The following SLC35F4 variants were observed in gnomAD, a reference collection of about 807,000 sequenced individuals.
SLC35F4 encodes solute carrier family 35 member F4.
SLC35F4 carries 24 observed loss-of-function variants against 44.2 expected under a neutral mutation model. That is an observed-to-expected ratio of 0.54 (90% CI 0.39 to 0.76). The LOEUF (loss-of-function observed/expected upper bound fraction) is 0.76, where lower values mean the gene tolerates loss of function less well. Ranked by LOEUF, SLC35F4 falls within the 30% of genes least tolerant of loss-of-function variation. SLC35F4 has a pLI of 0.00. For missense variants in SLC35F4, 562 were observed against 586.1 expected (o/e 0.96, Z 0.42); for synonymous variants, 238 against 223.6 (o/e 1.06, Z -0.57).
At chr14:57,916,572 G>A (rs538102841) in intron 1 of SLC35F4, among the ~76,000 whole-genome samples, 5 of 152,238 alleles carry the variant, frequency 3.3e-5, no homozygotes, top group African/African-American at 9.6e-5. Context: ...TAATTCTTCT[G>A]TTCCTTTCTC....
chr14:57,652,068 C>T (rs919290379), intron 1 of SLC35F4, among the ~76,000 whole-genome samples: 74 of 152,332 alleles, frequency 4.9e-4, no homozygotes, highest in Non-Finnish European at 2.5e-4. Context: ...GAAAGACAGA[C>T]ATCCTGGCAA....
intron 1 of SLC35F4, among the ~76,000 whole-genome samples, chr14:57,686,710 C>T (rs111269905): frequency 4.0e-4 from 61 of 152,196 alleles, no homozygotes; most frequent in African/African-American, 1.4e-3. Flanking sequence ...GTCAAGGATA[C>T]TCATTTATTT....
At chr14:57,892,845 T>C (rs1888799559) in intron 1 of SLC35F4, among the ~76,000 whole-genome samples, 1 of 152,136 alleles carries the variant, frequency 6.6e-6, no homozygotes, top group African/African-American at 2.4e-5. Context: ...AAAAAAAAGT[T>C]CTCTCTGTGC....
chr14:57,796,912 A>G (rs375323967), intron 1 of SLC35F4, among the ~76,000 whole-genome samples: 16 of 152,366 alleles, frequency 1.1e-4, no homozygotes, highest in African/African-American at 3.6e-4. Context: ...TAATTAAAAT[A>G]TTAACAATTT....
chr14:57,924,226 T>C (rs1479829414), intron 1 of SLC35F4, among the ~76,000 whole-genome samples: 2 of 152,172 alleles, frequency 1.3e-5, no homozygotes, highest in Non-Finnish European at 2.9e-5. Flanking sequence ...AATGAACCAA[T>C]ACAGCTGGGT....
chr14:57,592,667 A>G (rs1290684497), intron 2 of SLC35F4, among the ~76,000 whole-genome samples: 1 of 152,202 alleles, frequency 6.6e-6, no homozygotes, highest in African/African-American at 2.4e-5. Context: ...TGGGGTTCAC[A>G]CAGTGTCTAA....
At chr14:57,847,026 AAT>A (rs1299887663) in intron 1 of SLC35F4, among the ~76,000 whole-genome samples, 1 of 152,250 alleles carries the variant, frequency 6.6e-6, no homozygotes, top group African/African-American at 2.4e-5. Context: ...AATTGAGAGT[AAT>A]CACTGAGAAA....
intron 1 of SLC35F4, among the ~76,000 whole-genome samples, chr14:57,686,075 G>T (rs1594794071): frequency 6.6e-6 from 1 of 152,180 alleles, no homozygotes; most frequent in East Asian, 1.9e-4. Flanking sequence ...TCTTGGCTGT[G>T]TTTGAGATGG....
At chr14:57,682,205 T>C (rs2074927748) in intron 1 of SLC35F4, among the ~76,000 whole-genome samples, 1 of 152,340 alleles carries the variant, frequency 6.6e-6, no homozygotes, top group South Asian at 2.1e-4. Flanking sequence ...CGTATGTTTA[T>C]TGTGGCACTG....
chr14:57,770,397 G>A (rs955669805), intron 1 of SLC35F4, among the ~76,000 whole-genome samples: 2 of 152,178 alleles, frequency 1.3e-5, no homozygotes, highest in Non-Finnish European at 2.9e-5. Context: ...GAGTTGTTGG[G>A]CATAGTTTGT....
chr14:57,905,648 C>G (rs1437332108), intron 1 of SLC35F4, among the ~76,000 whole-genome samples: 1 of 152,182 alleles, frequency 6.6e-6, no homozygotes, highest in Non-Finnish European at 1.5e-5. Context: ...ATGCCAGCAT[C>G]TGAAAGCAGG....
At chr14:57,661,203 C>T (rs144724488) in intron 1 of SLC35F4, among the ~76,000 whole-genome samples, 147 of 152,244 alleles carry the variant, frequency 9.7e-4, no homozygotes, top group African/African-American at 3.3e-3. Context: ...TGTCATAATC[C>T]TTGCCCTTTC....
intron 1 of SLC35F4, among the ~76,000 whole-genome samples, chr14:57,796,960 A>T (rs554091259): frequency 6.6e-6 from 1 of 152,388 alleles, no homozygotes; most frequent in East Asian, 1.9e-4. Flanking sequence ...CTTGCCACTC[A>T]GTGAAAATAT....
intron 1 of SLC35F4, among the ~76,000 whole-genome samples, chr14:57,756,580 A>G (rs1170723784): frequency 6.6e-6 from 1 of 151,822 alleles, no homozygotes; most frequent in African/African-American, 2.4e-5. Flanking sequence ...TATTATATAA[A>G]TATTGATTAG....
chr14:57,825,664 CA>C (rs1211551444), intron 1 of SLC35F4, among the ~76,000 whole-genome samples: 1 of 152,194 alleles, frequency 6.6e-6, no homozygotes, highest in African/African-American at 2.4e-5. Flanking sequence ...GCAAATTCAA[CA>C]AAGTCTCAGG....
intron 1 of SLC35F4, among the ~76,000 whole-genome samples, chr14:57,615,077 G>C (rs1166194758): frequency 6.6e-6 from 1 of 152,198 alleles, no homozygotes; most frequent in African/African-American, 2.4e-5. Flanking sequence ...TGAGGACCTT[G>C]TGACTTAATA....
chr14:57,579,329 C>G (rs753965042), intron 4 of SLC35F4: 1 of 152,138 alleles, frequency 6.6e-6, no homozygotes, highest in African/African-American at 2.4e-5. Flanking sequence ...TGGTTGGTAG[C>G]CTATAGGCAG....
chr14:57,677,516 C>G (rs1303789206), intron 1 of SLC35F4, among the ~76,000 whole-genome samples: 1 of 151,958 alleles, frequency 6.6e-6, no homozygotes, highest in Admixed American at 6.6e-5. Context: ...TATAGGTATT[C>G]TATTTAAAGT....
intron 1 of SLC35F4, among the ~76,000 whole-genome samples, chr14:57,680,556 G>A (rs116957496): frequency 0.15 from 22,414 of 151,998 alleles, 1,896 homozygotes; most frequent in East Asian, 0.29. Flanking sequence ...AAGGGTATTC[G>A]AAAAGGGAAA....
Sources: gnomAD v4.1 joint callset for allele counts (sites outside exome capture counted in the v4.1 genomes callset) on GRCh38, gnomAD v4.1.1 for gene constraint, MANE v1.5 for transcripts, NCBI Gene and HGNC (gene_info 2026-07-23, HGNC 2026-07-21) for gene names.